The following SVOPL variants were observed in gnomAD, a reference collection of about 807,000 sequenced individuals.
The protein encoded by SVOPL is putative transporter SVOPL.
SVOPL carries 60 observed loss-of-function variants against 61.0 expected under a neutral mutation model. That is an observed-to-expected ratio of 0.98 (90% CI 0.80 to 1.22). The LOEUF (loss-of-function observed/expected upper bound fraction) is 1.22. SVOPL is among the 50% of genes most tolerant of loss of function. The pLI is 0.00. For missense variants in SVOPL, 662 were observed against 643.9 expected (o/e 1.03, Z -0.30); for synonymous variants, 279 against 250.0 (o/e 1.12, Z -1.09).
chr7:138,623,978 C>T (rs1451572135), intron 13 of SVOPL, among the ~76,000 whole-genome samples: 2 of 152,066 alleles, frequency 1.3e-5, no homozygotes, highest in Non-Finnish European at 2.9e-5. Flanking sequence ...TGCCACCACG[C>T]CTGGATAATT....
At chr7:138,664,215 A>G in intron 4 of SVOPL, 1 of 981,800 alleles carries the variant, frequency 1.0e-6, no homozygotes, top group Non-Finnish European at 1.2e-6. Context: ...TCTACCTGGA[A>G]GACGTCCTGC....
In SVOPL at chr7:138,660,976, C is replaced by T. The variant is rs944366692; in HGVS notation, c.346-988G>A. On this transcript the variant is annotated intron_variant, in intron 5 of 15. Coordinates refer to ENST00000674285, the MANE Select transcript of SVOPL (RefSeq NM_001139456.2). ...GCTATGTATTTTGTTTTTGATAACT[C>T]CTGTACTTTAATGTTTTTTCAAAGT... is the stretch of plus-strand genomic sequence containing the variant. The T allele has an allele frequency of 3.1e-6, 3 of 982,314 alleles. No homozygotes were observed. The African/African-American group carries it at 5.3e-5, about 17-fold the overall frequency. 60.8% of individuals were successfully genotyped at this position (982,314 alleles called of 1,614,324 possible).
intron 3 of SVOPL, among the ~76,000 whole-genome samples, chr7:138,675,000 G>C (rs1802522823): frequency 1.3e-5 from 2 of 152,114 alleles, no homozygotes; most frequent in South Asian, 4.1e-4. Flanking sequence ...AACAAATTTG[G>C]AGCCTATGAG....
intron 3 of SVOPL, among the ~76,000 whole-genome samples, chr7:138,675,920 C>T (rs753271706): frequency 8.5e-5 from 13 of 152,174 alleles, no homozygotes; most frequent in Non-Finnish European, 1.9e-4. Flanking sequence ...CCCACTGCAA[C>T]CTCTGCCTCC....
chr7:138,596,524 T>TAAGA lies in SVOPL; in HGVS notation c.1356_1359dup (p.Met454SerfsTer40). ...AGGGCCCCCAGTATTGATGCACTCATAAGAACCTGCAAGTCACAAGAGAAT... is the reference window on the plus strand; with the variant it reads ...AGGGCCCCCAGTATTGATGCACTCATAAGAAAGAACCTGCAAGTCACAAGAGAAT... On this transcript the variant is annotated frameshift_variant, in exon 15 of 16. Transcript: ENST00000674285. LOFTEE classifies it high-confidence loss of function. 6.2e-7 allele frequency: 1 copy of TAAGA among 1,613,524 alleles called. No individual in the cohort carries two copies. The highest frequency in any genetic ancestry group is 8.5e-7 in the Non-Finnish European group (1 of 1,179,682).
chr7:138,662,329 T>C, intron 5 of SVOPL: 1 of 985,452 alleles, frequency 1.0e-6, no homozygotes, highest in Non-Finnish European at 1.2e-6. Context: ...GGACTTCTCT[T>C]TTCATTTGTG....
At position 138,605,951 on chromosome 7, in the gene SVOPL, A is replaced by G. The variant is rs538538989; in HGVS notation, c.1354-9421T>C. 2.6e-5 allele frequency among the ~76,000 whole-genome samples: 4 copies of G among 152,134 alleles called. No individual in the cohort carries two copies. The South Asian group carries it at 8.3e-4, about 32-fold the overall frequency. On this transcript the variant is annotated intron_variant, in intron 14 of 15. Transcript: ENST00000674285. ...TCTGTTTCTCCAAGGACTCAAATTC[A>G]TATTTCAGTAAAATAGTTGAATACA...
chr7:138,676,899 C>CTTTTTTTTT (rs1191279496), intron 3 of SVOPL, among the ~76,000 whole-genome samples: 2 of 112,820 alleles, frequency 1.8e-5, no homozygotes, highest in Non-Finnish European at 3.5e-5. Flanking sequence ...CTTGGGGTTC[C>CTTTTTTTTT]TTTTTTTTTT....
chr7:138,631,990 A>ACACACACACACACC (rs1800223349), intron 9 of SVOPL, among the ~76,000 whole-genome samples: 1 of 151,724 alleles, frequency 6.6e-6, no homozygotes, highest in African/African-American at 2.4e-5. Context: ...ACACATACAC[A>ACACACACACACACC]CACCCCTACA....
At chr7:138,655,403 G>A (rs1264491903) in intron 7 of SVOPL, among the ~76,000 whole-genome samples, 2 of 152,080 alleles carry the variant, frequency 1.3e-5, no homozygotes, top group Non-Finnish European at 2.9e-5. Flanking sequence ...TACTTGGGAG[G>A]TTGAGGCAGG....
chr7:138,637,507 T>TAGATATATAGATAGATAG (rs1563108941), intron 9 of SVOPL, among the ~76,000 whole-genome samples: 14 of 25,680 alleles, frequency 5.5e-4, no homozygotes, highest in African/African-American at 1.1e-3. Flanking sequence ...TATATATATA[T>TAGATATATAGATAGATAG]ATAGATAGAT....
At chr7:138,605,191 T>TAAA (rs34189478) in intron 14 of SVOPL, among the ~76,000 whole-genome samples, 3 of 133,164 alleles carry the variant, frequency 2.3e-5, no homozygotes, top group African/African-American at 5.6e-5. Flanking sequence ...GACATTTATT[T>TAAA]AAAAAAAAAA....
chr7:138,682,539 C>A (rs1363835157), intron 1 of SVOPL, among the ~76,000 whole-genome samples: 1 of 152,058 alleles, frequency 6.6e-6, no homozygotes, highest in East Asian at 1.9e-4. Context: ...GACCCAGTTT[C>A]TTCATTAAAT....
At chr7:138,699,126 TA>T (rs1174534902) in intron 1 of SVOPL, among the ~76,000 whole-genome samples, 1 of 152,088 alleles carries the variant, frequency 6.6e-6, no homozygotes, top group Admixed American at 6.6e-5. Flanking sequence ...CACTCCAGCC[TA>T]GGTGACAGAG....
chr7:138,654,130 C>CA (rs34730936), intron 7 of SVOPL, among the ~76,000 whole-genome samples: 2,065 of 99,140 alleles, frequency 0.021, 30 homozygotes, highest in East Asian at 0.034. Flanking sequence ...AAGACTCCCT[C>CA]AAAAAAAAAA....
chr7:138,691,057 G>A (rs980756017), intron 1 of SVOPL, among the ~76,000 whole-genome samples: 15 of 152,146 alleles, frequency 9.9e-5, no homozygotes, highest in Non-Finnish European at 1.5e-4. Flanking sequence ...TTATAGGCAT[G>A]AGCCACCGCA....
intron 7 of SVOPL, among the ~76,000 whole-genome samples, chr7:138,654,344 G>T (rs1673177): frequency 6.6e-6 from 1 of 151,862 alleles, no homozygotes; most frequent in African/African-American, 2.4e-5. Context: ...TTGATTACAC[G>T]AATGTATTAT....
At chr7:138,649,839 T>A (rs1481745060) in intron 7 of SVOPL, among the ~76,000 whole-genome samples, 1 of 152,098 alleles carries the variant, frequency 6.6e-6, no homozygotes, top group East Asian at 1.9e-4. Flanking sequence ...AAAGGTTGTT[T>A]GTTTGTTTTT....
intron 7 of SVOPL, among the ~76,000 whole-genome samples, chr7:138,655,207 AG>A: frequency 6.6e-6 from 1 of 151,792 alleles, no homozygotes; most frequent in East Asian, 1.9e-4. Context: ...AGAAAAGAAA[AG>A]AAAAATCAGA....
Sources: allele counts gnomAD v4.1 joint callset (sites outside exome capture counted in the v4.1 genomes callset), GRCh38; gene constraint gnomAD v4.1.1; transcripts MANE v1.5; gene names NCBI Gene and HGNC (gene_info 2026-07-23, HGNC 2026-07-21).